Variants in CCL20 observed in about 807,000 individuals in gnomAD.
CCL20 encodes C-C motif chemokine ligand 20, also known as C-C motif chemokine 20.
In CCL20, 8 loss-of-function variants were observed where a neutral mutation model predicts 10.8. That is an observed-to-expected ratio of 0.74 (90% confidence interval 0.44 to 1.34). The LOEUF (loss-of-function observed/expected upper bound fraction) is 1.34, where lower values mean the gene tolerates loss of function less well. Ranked by LOEUF, CCL20 falls within the 40% of genes most tolerant of loss-of-function variation. The probability of loss-of-function intolerance (pLI) is 0.01; values close to 1 mark genes in which losing one functional copy is unlikely to be tolerated. For synonymous variants in CCL20, 40 were observed against 39.4 expected (o/e 1.02, Z -0.06); for missense variants, 107 against 117.9 (o/e 0.91, Z 0.43).
chr2:227,814,068 T>A, intron 1 of CCL20, 81 bp downstream of exon 1: 1 of 1,206,292 alleles, frequency 8.3e-7, no homozygotes, highest in Non-Finnish European at 1.2e-6. Context: ...TGGGGGTCCC[T>A]AAGGGATGGA....
At chr2:227,815,613 A>G in intron 2 of CCL20, 45 bp downstream of exon 2, 1 of 1,056,348 alleles carries the variant, frequency 9.5e-7, no homozygotes, top group Non-Finnish European at 1.4e-6. Flanking sequence ...AGGAATACCT[A>G]GAAACTTCAG....
At chr2:227,816,528 A>T (rs1690027802) in intron 3 of CCL20, 144 bp downstream of exon 3, 1 of 482,408 alleles carries the variant, frequency 2.1e-6, no homozygotes, top group Non-Finnish European at 3.7e-6. Context: ...CACAAAAACA[A>T]AGAATGCATT....
chr2:227,816,050 A>G (rs1690020682), intron 2 of CCL20: 2 of 442,710 alleles, frequency 4.5e-6, no homozygotes, highest in Admixed American at 7.8e-5. Flanking sequence ...GTAACCACCA[A>G]TAGCAAAATT....
At chr2:227,814,064 T>A in intron 1 of CCL20, 77 bp downstream of exon 1, 1 of 1,255,112 alleles carries the variant, frequency 8.0e-7, no homozygotes, top group Middle Eastern at 2.0e-4. Context: ...CAACTGGGGG[T>A]CCCTAAGGGA....
At chr2:227,815,371 A>G (rs980622603) in intron 1 of CCL20, 83 bp from the exon 2 acceptor site, 2 of 689,134 alleles carry the variant, frequency 2.9e-6, no homozygotes, top group Non-Finnish European at 5.0e-6. Context: ...GATTTTTCAC[A>G]ACTTAAGGTA....
intron 3 of CCL20, among the ~76,000 whole-genome samples, chr2:227,816,724 ATTAG>A (rs1322803556): frequency 4.6e-5 from 7 of 152,262 alleles, no homozygotes; most frequent in Admixed American, 3.9e-4. Flanking sequence ...AAAAATGAAC[ATTAG>A]TTAAACAGAG....
At position 227,816,319 on chromosome 2, in the gene CCL20, GA is replaced by G; in HGVS notation, c.209del (p.Lys70SerfsTer13). 6.2e-7 allele frequency: 1 copy of G among 1,609,368 alleles called. No homozygotes were observed. Among genetic ancestry groups the G allele is most frequent in the Non-Finnish European group, 8.5e-7 (1 of 1,176,126 alleles). On this transcript the variant is annotated frameshift_variant, in exon 3 of 4. Transcript: ENST00000358813. LOFTEE classifies it high-confidence loss of function. ...DINAIIFHTK[K>X]KLSVCANPKQ... Reference sequence around the variant, plus strand: ...TCTGATTTTTCAGCTTTCACACAAAGAAAAAGTTGTCTGTGTGCGCAAATCC... The same window carrying G: ...TCTGATTTTTCAGCTTTCACACAAAGAAAAGTTGTCTGTGTGCGCAAATCC...
At chr2:227,815,611 C>T (rs1156639324) in intron 2 of CCL20, 43 bp downstream of exon 2, 4 of 1,071,172 alleles carry the variant, frequency 3.7e-6, no homozygotes, top group Non-Finnish European at 4.2e-6. Context: ...TCAGGAATAC[C>T]TAGAAACTTC....
Position 227,817,096 on chromosome 2 carries a change from T to C in CCL20, c.*13T>C. ...CAAGAACATGTAAAAACTGTGGCTTTTCTGGAATGGAATTGGACATAGCCC... is the reference window on the plus strand; with the variant it reads ...CAAGAACATGTAAAAACTGTGGCTTCTCTGGAATGGAATTGGACATAGCCC... On this transcript the variant is annotated 3_prime_UTR_variant, in exon 4 of 4. Coordinates refer to ENST00000358813, the MANE Select transcript of CCL20 (RefSeq NM_004591.3). The C allele has an allele frequency of 6.2e-7, 1 of 1,606,774 alleles. No individual in the cohort carries two copies. The highest frequency in any genetic ancestry group is 8.5e-7 in the Non-Finnish European group (1 of 1,173,846).
rs968396505 is a variant in CCL20 at position 227,817,101 on chromosome 2, G to A, written c.*18G>A. ...ACATGTAAAAACTGTGGCTTTTCTG[G>A]AATGGAATTGGACATAGCCCAAGAA... On this transcript the variant is annotated 3_prime_UTR_variant, in exon 4 of 4. Coordinates refer to ENST00000358813, the MANE Select transcript of CCL20 (RefSeq NM_004591.3). 3 of 1,603,534 alleles carry A rather than the reference G, an allele frequency of 1.9e-6. No individual in the cohort carries two copies. The highest frequency in any genetic ancestry group is 3.3e-5 in the Admixed American group (2 of 59,874).
At chr2:227,816,581 G>A (rs1015819180) in intron 3 of CCL20, among the ~76,000 whole-genome samples, 197 bp downstream of exon 3, 4 of 152,128 alleles carry the variant, frequency 2.6e-5, no homozygotes, top group African/African-American at 9.7e-5. Context: ...TTTTAATTTA[G>A]TGATTTCTTA....
At position 227,816,244 on chromosome 2, in the gene CCL20, A is replaced by T. The variant is rs1308155480; in HGVS notation, c.192-63A>T. On this transcript the variant is annotated intron_variant, in intron 2 of 3. Transcript: ENST00000358813. ...AACTGGAATATAAAATTTCCATTGT[A>T]TGTTCTATGAAAAACCCATTGAAAA... The T allele has an allele frequency of 6.7e-6, 6 of 898,710 alleles. No homozygotes were observed. The East Asian group carries it at 1.2e-4, about 18-fold the overall frequency. The allele number at this position is 898,710 out of a possible 1,614,324, so 55.7% of individuals were successfully genotyped here.
At chr2:227,815,180 C>G (rs1235793738) in intron 1 of CCL20, among the ~76,000 whole-genome samples, 1 of 152,192 alleles carries the variant, frequency 6.6e-6, no homozygotes, top group Non-Finnish European at 1.5e-5. Context: ...AGATATCCCA[C>G]TTATGAGAAG....
In CCL20 at chr2:227,817,136, C is replaced by G. The variant is rs1559287990; in HGVS notation, c.*53C>G. 1.3e-6 allele frequency: 2 copies of G among 1,484,760 alleles called. No homozygotes were observed. The highest frequency in any genetic ancestry group is 9.4e-7 in the Non-Finnish European group (1 of 1,065,564). 92.0% of individuals were successfully genotyped at this position (1,484,760 alleles called of 1,614,324 possible). A position where few individuals can be genotyped will look rare whatever the true frequency, so the allele number is the denominator to read the frequency against. Reference sequence around the variant, plus strand: ...GGACATAGCCCAAGAACAGAAAGAACCTTGCTGGGGTTGGAGGTTTCACTT... The same window carrying G: ...GGACATAGCCCAAGAACAGAAAGAAGCTTGCTGGGGTTGGAGGTTTCACTT... On this transcript the variant is annotated 3_prime_UTR_variant, in exon 4 of 4. Transcript: ENST00000358813.
intron 1 of CCL20, 116 bp from the exon 2 acceptor site, chr2:227,815,338 C>G: frequency 1.7e-6 from 1 of 588,298 alleles, no homozygotes; most frequent in East Asian, 2.7e-5. Flanking sequence ...GTGGTTTATT[C>G]GTCATATACA....
intron 1 of CCL20, among the ~76,000 whole-genome samples, chr2:227,814,298 G>C (rs1689989255): frequency 6.6e-6 from 1 of 152,024 alleles, no homozygotes. Flanking sequence ...CAGTAGATGG[G>C]GCCATTTTGA....
In CCL20 at chr2:227,817,410, T is replaced by G. The variant is rs938910095; in HGVS notation, c.*327T>G. On this transcript the variant is annotated 3_prime_UTR_variant, in exon 4 of 4. Transcript: ENST00000358813. ...GGGGGGGAATAAGATTATATGGACT[T>G]TCTTGCAAGCAACAAGCTATTTTTT... The G allele has an allele frequency of 1.6e-5, 3 of 186,010 alleles. No homozygotes were observed. The highest frequency in any genetic ancestry group is 7.0e-5 in the African/African-American group (3 of 42,950). 11.5% of individuals were successfully genotyped at this position (186,010 alleles called of 1,614,324 possible).
At chr2:227,814,757 A>ATT (rs112995464) in intron 1 of CCL20, among the ~76,000 whole-genome samples, 7 of 139,480 alleles carry the variant, frequency 5.0e-5, no homozygotes, top group South Asian at 4.6e-4. Context: ...ATTTTTTTAC[A>ATT]TTTTTTTTTT....
rs1690036893 is a variant in CCL20, at chr2:227,817,348, G to A, written c.*265G>A. 1 of 260,474 alleles carries A rather than the reference G, an allele frequency of 3.8e-6. No individual in the cohort carries two copies. Among genetic ancestry groups the A allele is most frequent in the African/African-American group, 2.2e-5 (1 of 45,094 alleles). The allele number at this position is 260,474 out of a possible 1,614,324, so 16.1% of individuals were successfully genotyped here. On this transcript the variant is annotated 3_prime_UTR_variant, in exon 4 of 4. Coordinates refer to ENST00000358813, the MANE Select transcript of CCL20 (RefSeq NM_004591.3). ...GCTATTTAATACTAATTTTCCATAA[G>A]CTATTTTGGTTTAGTGCAAAGTATA...
Sources: gnomAD v4.1 joint callset for allele counts (sites outside exome capture counted in the v4.1 genomes callset) on GRCh38, gnomAD v4.1.1 for gene constraint, MANE v1.5 for transcripts, NCBI Gene and HGNC (gene_info 2026-07-23, HGNC 2026-07-21) for gene names.